SDK1: variants seen among roughly 807,000 people sequenced by gnomAD.
The protein encoded by SDK1 is sidekick cell adhesion molecule 1, also known as protein sidekick-1.
A neutral mutation model predicts 245.5 loss-of-function variants in SDK1; 157 were observed. That is an observed-to-expected ratio of 0.64 (90% CI 0.56 to 0.73). SDK1 has a LOEUF of 0.73. SDK1 is among the 30% of genes least tolerant of loss of function. The probability of loss-of-function intolerance (pLI) is 0.00; values close to 1 mark genes in which losing one functional copy is unlikely to be tolerated. For synonymous variants in SDK1, 1,647 were observed against 1,278.5 expected (o/e 1.29, Z -6.15); for missense variants, 3,583 against 3,002.3 (o/e 1.19, Z -4.52).
chr7:3,437,026 C>G (rs944376054), intron 1 of SDK1, among the ~76,000 whole-genome samples: 3 of 152,130 alleles, frequency 2.0e-5, no homozygotes, highest in Admixed American at 6.5e-5. Context: ...GCGGCTGCTC[C>G]TCTATCAGTC....
chr7:3,435,325 T>A (rs1779989443), intron 1 of SDK1, among the ~76,000 whole-genome samples: 2 of 114,930 alleles, frequency 1.7e-5, no homozygotes, highest in African/African-American at 7.9e-5. Flanking sequence ...GACTGCCTTT[T>A]TTTTTTTTTT....
At chr7:3,575,211 G>C (rs760852172) in intron 1 of SDK1, among the ~76,000 whole-genome samples, 14 of 152,028 alleles carry the variant, frequency 9.2e-5, no homozygotes, top group African/African-American at 3.4e-4. Flanking sequence ...GCTTTTGTAG[G>C]TGGCTGCCTT....
intron 1 of SDK1, among the ~76,000 whole-genome samples, chr7:3,439,213 G>T (rs1188999755): frequency 1.3e-5 from 2 of 151,946 alleles, no homozygotes; most frequent in African/African-American, 2.4e-5. Flanking sequence ...TTGGGGTGGT[G>T]GTTAGACACA....
intron 1 of SDK1, among the ~76,000 whole-genome samples, chr7:3,383,281 T>C (rs538671178): frequency 2.0e-5 from 3 of 152,228 alleles, no homozygotes; most frequent in African/African-American, 7.2e-5. Flanking sequence ...TGTGGTGGCA[T>C]GTGCCTGTGG....
At chr7:3,802,774 T>G (rs1367639931) in intron 4 of SDK1, among the ~76,000 whole-genome samples, 1 of 152,214 alleles carries the variant, frequency 6.6e-6, no homozygotes, top group Non-Finnish European at 1.5e-5. Context: ...CCATCCAAGT[T>G]GCATGTATCA....
At chr7:3,688,622 G>A (rs573687415) in intron 4 of SDK1, among the ~76,000 whole-genome samples, 4 of 152,346 alleles carry the variant, frequency 2.6e-5, no homozygotes, top group Non-Finnish European at 5.9e-5. Flanking sequence ...TTTCTAGAAA[G>A]TCACTTAGCT....
intron 1 of SDK1, among the ~76,000 whole-genome samples, chr7:3,518,572 A>G (rs1007827106): frequency 1.3e-5 from 2 of 152,176 alleles, no homozygotes; most frequent in Non-Finnish European, 2.9e-5. Context: ...CAACAAATAT[A>G]TGAAAAGTAT....
intron 1 of SDK1, among the ~76,000 whole-genome samples, chr7:3,605,118 T>C (rs1398761417): frequency 7.5e-6 from 1 of 134,188 alleles, no homozygotes; most frequent in Non-Finnish European, 1.5e-5. Context: ...TAATGCTCTA[T>C]AGCACTTGAG....
chr7:3,960,324 G>A (rs1392293759), intron 8 of SDK1, among the ~76,000 whole-genome samples: 1 of 152,214 alleles, frequency 6.6e-6, no homozygotes, highest in Non-Finnish European at 1.5e-5. Context: ...ACATGGTAAT[G>A]GAGGCAGGAC....
chr7:3,559,955 C>T (rs1460069727), intron 1 of SDK1, among the ~76,000 whole-genome samples: 1 of 152,164 alleles, frequency 6.6e-6, no homozygotes, highest in East Asian at 1.9e-4. Context: ...CTCAGCACCT[C>T]ACAACTTTGA....
At chr7:3,821,273 A>G (rs1273042881) in intron 4 of SDK1, among the ~76,000 whole-genome samples, 177 bp from the exon 5 acceptor site, 3 of 152,178 alleles carry the variant, frequency 2.0e-5, no homozygotes, top group Non-Finnish European at 2.9e-5. Context: ...GCTGGATCAG[A>G]AGAGGCTCTC....
At chr7:3,741,968 G>A (rs1042213360) in intron 4 of SDK1, among the ~76,000 whole-genome samples, 1 of 140,362 alleles carries the variant, frequency 7.1e-6, no homozygotes. Flanking sequence ...GGCAATTTGT[G>A]TTCCCATATT....
At chr7:4,264,441 AAGGCCGCGTGGACCTCTCCTGAGTGAGGG>A (rs1158792789) in intron 44 of SDK1, among the ~76,000 whole-genome samples, 1 of 74,890 alleles carries the variant, frequency 1.3e-5, no homozygotes, top group Admixed American at 1.4e-4. Flanking sequence ...TGGGGTAAGG[AAGGCCGCGTGGACCTCTCCTGAGTGAGGG>A]AGGCCGCGTG....
chr7:4,118,250 AAAAACTGGG>A (rs1783842469), intron 25 of SDK1, among the ~76,000 whole-genome samples: 1 of 152,226 alleles, frequency 6.6e-6, no homozygotes, highest in Non-Finnish European at 1.5e-5. Flanking sequence ...TGACCCAGTT[AAAAACTGGG>A]CAAAGGATCG....
At chr7:4,090,561 A>G (rs1781721948) in intron 22 of SDK1, among the ~76,000 whole-genome samples, 1 of 152,204 alleles carries the variant, frequency 6.6e-6, no homozygotes, top group Non-Finnish European at 1.5e-5. Context: ...GAGCCCATCC[A>G]GCTGGCTTCT....
chr7:3,754,132 G>A (rs563708966), intron 4 of SDK1, among the ~76,000 whole-genome samples: 17 of 152,316 alleles, frequency 1.1e-4, no homozygotes, highest in Non-Finnish European at 2.1e-4. Flanking sequence ...GCAGGCTAAT[G>A]AAGTTGGCTC....
chr7:3,888,603 A>G (rs1018215493), intron 5 of SDK1, among the ~76,000 whole-genome samples: 1 of 152,268 alleles, frequency 6.6e-6, no homozygotes, highest in Non-Finnish European at 1.5e-5. Context: ...AACAATAGCA[A>G]TATCACCACA....
At chr7:3,739,077 TTG>T (rs1472556087) in intron 4 of SDK1, among the ~76,000 whole-genome samples, 3 of 152,204 alleles carry the variant, frequency 2.0e-5, no homozygotes, top group Non-Finnish European at 2.9e-5. Context: ...TAGCTAATCC[TTG>T]GTTGACTGTT....
chr7:3,509,408 C>CT (rs751943346), intron 1 of SDK1, among the ~76,000 whole-genome samples: 34 of 152,246 alleles, frequency 2.2e-4, no homozygotes, highest in Non-Finnish European at 3.8e-4. Context: ...TGTGTTTCCT[C>CT]AGTTGTAAGA....
Sources: gnomAD v4.1 joint callset for allele counts (sites outside exome capture counted in the v4.1 genomes callset) on GRCh38, gnomAD v4.1.1 for gene constraint, MANE v1.5 for transcripts, NCBI Gene and HGNC (gene_info 2026-07-23, HGNC 2026-07-21) for gene names.